FSHR: variants seen among roughly 807,000 people sequenced by gnomAD.
The protein encoded by FSHR is follicle-stimulating hormone receptor.
Under a neutral mutation model 52.1 loss-of-function variants are expected in FSHR, and 46 were observed. The ratio of observed to expected loss-of-function variants is 0.88; its 90% CI spans 0.70 to 1.13. The LOEUF is 1.13. Among genes scored for constraint, FSHR ranks in the 50% most tolerant of loss-of-function variants. The pLI, the probability that FSHR is intolerant of heterozygous loss-of-function variation, is 0.00. For synonymous variants in FSHR, 399 were observed against 309.6 expected, an observed-to-expected ratio of 1.29 and a Z score of -3.03; for missense variants, 964 against 834.6, an observed-to-expected ratio of 1.16 and a Z score of -1.91.
At chr2:49,018,772 G>A (rs1667588336) in intron 3 of FSHR, among the ~76,000 whole-genome samples, 1 of 152,154 alleles carries the variant, frequency 6.6e-6, no homozygotes, top group Non-Finnish European at 1.5e-5. Flanking sequence ...GTAGAAGGAA[G>A]TAAAAGGGAG....
intron 2 of FSHR, among the ~76,000 whole-genome samples, chr2:49,032,827 T>C (rs1668146256): frequency 6.6e-6 from 1 of 152,178 alleles, no homozygotes; most frequent in Admixed American, 6.5e-5. Flanking sequence ...AATTTTCAGC[T>C]GTGAATAGCC....
At chr2:49,149,131 C>T (rs145447094) in intron 1 of FSHR, among the ~76,000 whole-genome samples, 5 of 151,838 alleles carry the variant, frequency 3.3e-5, no homozygotes, top group Non-Finnish European at 5.9e-5. Context: ...AGATGGGTAA[C>T]CAGAAAAGTT....
intron 1 of FSHR, among the ~76,000 whole-genome samples, chr2:49,095,961 C>G (rs1670809599): frequency 6.6e-6 from 1 of 152,102 alleles, no homozygotes; most frequent in South Asian, 2.1e-4. Flanking sequence ...AAAAGACAGA[C>G]AATATTAAGT....
chr2:49,069,196 C>T (rs923071689), intron 1 of FSHR, among the ~76,000 whole-genome samples: 2 of 152,084 alleles, frequency 1.3e-5, no homozygotes, highest in African/African-American at 2.4e-5. Flanking sequence ...CCTGTATTCT[C>T]AGTTTTGACA....
intron 1 of FSHR, among the ~76,000 whole-genome samples, chr2:49,077,048 C>T (rs1669976845): frequency 6.6e-6 from 1 of 152,144 alleles, no homozygotes; most frequent in Non-Finnish European, 1.5e-5. Context: ...AGGATGGTGG[C>T]CGTCTTCTCA....
At chr2:49,127,873 T>C (rs1572781800) in intron 1 of FSHR, among the ~76,000 whole-genome samples, 1 of 45,350 alleles carries the variant, frequency 2.2e-5, no homozygotes, top group Non-Finnish European at 3.5e-5. Flanking sequence ...TTCTTCTTCT[T>C]CTTCTTCTTC....
At chr2:48,979,588 G>C (rs1226441212) in intron 8 of FSHR, among the ~76,000 whole-genome samples, 1 of 152,128 alleles carries the variant, frequency 6.6e-6, no homozygotes, top group Admixed American at 6.5e-5. Context: ...CCTCCCCAGG[G>C]ACAGCCTGCA....
chr2:49,102,648 A>G (rs1209095263), intron 1 of FSHR, among the ~76,000 whole-genome samples: 1 of 152,230 alleles, frequency 6.6e-6, no homozygotes, highest in Non-Finnish European at 1.5e-5. Context: ...TAGAGTTAAC[A>G]TAGTCCAGTA....
At chr2:49,110,919 C>G (rs1271235713) in intron 1 of FSHR, among the ~76,000 whole-genome samples, 2 of 152,144 alleles carry the variant, frequency 1.3e-5, no homozygotes, top group African/African-American at 4.8e-5. Flanking sequence ...TTTAAGGGGA[C>G]TGATTCTTAC....
chr2:49,044,780 C>T (rs373468388), intron 2 of FSHR, among the ~76,000 whole-genome samples: 10 of 152,168 alleles, frequency 6.6e-5, no homozygotes, highest in African/African-American at 2.2e-4. Context: ...TTCCCTCTGA[C>T]TTTTGCCCAC....
intron 4 of FSHR, among the ~76,000 whole-genome samples, chr2:49,016,631 C>A (rs992825071): frequency 7.9e-5 from 12 of 152,142 alleles, no homozygotes; most frequent in Non-Finnish European, 1.3e-4. Flanking sequence ...GTCAGGCAGA[C>A]CTAGTCCAGA....
chr2:49,076,499 T>C (rs186913535), intron 1 of FSHR, among the ~76,000 whole-genome samples: 1 of 152,296 alleles, frequency 6.6e-6, no homozygotes, highest in Non-Finnish European at 1.5e-5. Flanking sequence ...GAATTCAAGA[T>C]AAGAGTTGAG....
At chr2:48,965,911 G>A (rs899568560) in intron 9 of FSHR, among the ~76,000 whole-genome samples, 9 of 152,192 alleles carry the variant, frequency 5.9e-5, no homozygotes, top group African/African-American at 2.2e-4. Context: ...TTATCATAAG[G>A]AGTTGGGAAT....
At chr2:49,152,855 A>G (rs1673111540) in intron 1 of FSHR, among the ~76,000 whole-genome samples, 1 of 152,238 alleles carries the variant, frequency 6.6e-6, no homozygotes, top group Non-Finnish European at 1.5e-5. Flanking sequence ...TTAAGTAATC[A>G]CTGAAAGTCA....
rs1558456844 is a variant in FSHR, at chr2:49,127,851, TTC to T, written c.152+26413_152+26414del. On this transcript the variant is annotated intron_variant, in intron 1 of 9. Transcript: ENST00000406846. ...CTTCCTCTTCTTCTTCTTCTTCTTC[TTC>T]TTCTTCTTCTTCTTCTTCTTCTTCT... Among the ~76,000 whole-genome samples the T allele has an allele frequency of 2.7e-4, 8 of 29,138 alleles. 1 individual carries two copies. The highest frequency in any genetic ancestry group is 1.9e-3 in the East Asian group (1 of 540). The allele number at this position is 29,138 out of a possible 152,430, so 19.1% of individuals were successfully genotyped here. A position where few individuals can be genotyped will look rare whatever the true frequency, so the allele number is the denominator to read the frequency against.
chr2:49,045,909 C>T (rs763311993), intron 2 of FSHR, among the ~76,000 whole-genome samples: 2 of 152,194 alleles, frequency 1.3e-5, no homozygotes, highest in African/African-American at 2.4e-5. Context: ...CTATTTTGTA[C>T]TGACATGACT....
chr2:49,133,095 G>C (rs1672351695), intron 1 of FSHR, among the ~76,000 whole-genome samples: 1 of 151,066 alleles, frequency 6.6e-6, no homozygotes, highest in Non-Finnish European at 1.5e-5. Context: ...AAAGAACACA[G>C]AGTTCCCTCT....
chr2:49,121,113 G>A (rs1671803483), intron 1 of FSHR, among the ~76,000 whole-genome samples: 2 of 152,312 alleles, frequency 1.3e-5, no homozygotes, highest in Admixed American at 6.5e-5. Flanking sequence ...ATAATATGTG[G>A]TCAGTGAAGT....
At chr2:49,107,771 C>T (rs538746591) in intron 1 of FSHR, among the ~76,000 whole-genome samples, 42 of 152,094 alleles carry the variant, frequency 2.8e-4, no homozygotes, top group Admixed American at 9.8e-4. Context: ...TTGAAAGAGA[C>T]CTGGTGACTT....
Sources: gnomAD v4.1 joint callset for allele counts (sites outside exome capture counted in the v4.1 genomes callset) on GRCh38, gnomAD v4.1.1 for gene constraint, MANE v1.5 for transcripts, NCBI Gene and HGNC (gene_info 2026-07-23, HGNC 2026-07-21) for gene names.